C1GALT1: variants seen among roughly 807,000 people sequenced by gnomAD.
The protein encoded by C1GALT1 is core 1 synthase, glycoprotein-N-acetylgalactosamine 3-beta-galactosyltransferase 1.
In C1GALT1, 11 loss-of-function variants were observed where a neutral mutation model predicts 31.0. The ratio of observed to expected loss-of-function variants is 0.36; its 90% CI spans 0.22 to 0.59. The LOEUF is 0.59. Among genes scored for constraint, C1GALT1 ranks in the 20% least tolerant of loss-of-function variants. C1GALT1 has a pLI of 0.79. For missense variants in C1GALT1, 424 were observed against 425.2 expected (o/e 1.00, Z 0.03); for synonymous variants, 175 against 143.6 (o/e 1.22, Z -1.56).
intron 1 of C1GALT1, among the ~76,000 whole-genome samples, chr7:7,190,085 G>T (rs528149747): frequency 6.6e-6 from 1 of 152,164 alleles, no homozygotes; most frequent in Non-Finnish European, 1.5e-5. Flanking sequence ...GCTGACAAAG[G>T]TTAATTAGCT....
intron 2 of C1GALT1, 90 bp downstream of exon 2, chr7:7,234,629 G>A: frequency 1.1e-6 from 1 of 888,190 alleles, no homozygotes; most frequent in Non-Finnish European, 1.7e-6. Context: ...ATTAAAATGG[G>A]CTATATATTC....
At chr7:7,218,441 A>T (rs1450954908) in intron 1 of C1GALT1, among the ~76,000 whole-genome samples, 3 of 152,206 alleles carry the variant, frequency 2.0e-5, no homozygotes, top group African/African-American at 7.2e-5. Context: ...AGTAAAATTT[A>T]TTGGCCCAAC....
At chr7:7,197,882 T>G (rs139741499) in intron 1 of C1GALT1, among the ~76,000 whole-genome samples, 2,649 of 152,330 alleles carry the variant, frequency 0.017, 107 homozygotes, top group East Asian at 0.16. Context: ...TTTTGCACAT[T>G]GATTTTGTAT....
chr7:7,237,533 C>G (rs1195228386), intron 2 of C1GALT1, among the ~76,000 whole-genome samples: 1 of 152,112 alleles, frequency 6.6e-6, no homozygotes, highest in African/African-American at 2.4e-5. Context: ...CTTTGCAAAC[C>G]TGTAGTTTAA....
At chr7:7,226,005 G>A (rs943029672) in intron 1 of C1GALT1, among the ~76,000 whole-genome samples, 2 of 152,122 alleles carry the variant, frequency 1.3e-5, no homozygotes, top group African/African-American at 4.8e-5. Context: ...TGGCTGGCTG[G>A]TTTGGGTCCA....
At chr7:7,233,160 G>A (rs1418700860) in intron 1 of C1GALT1, among the ~76,000 whole-genome samples, 1 of 152,072 alleles carries the variant, frequency 6.6e-6, no homozygotes, top group African/African-American at 2.4e-5. Flanking sequence ...TGGTTGTGGG[G>A]CAGTTCAACA....
At chr7:7,217,770 A>C (rs1782311512) in intron 1 of C1GALT1, among the ~76,000 whole-genome samples, 1 of 152,146 alleles carries the variant, frequency 6.6e-6, no homozygotes, top group Non-Finnish European at 1.5e-5. Context: ...TCCTGAGCTC[A>C]CGTGATACTC....
chr7:7,225,070 G>T (rs980554233), intron 1 of C1GALT1, among the ~76,000 whole-genome samples: 12 of 151,706 alleles, frequency 7.9e-5, no homozygotes, highest in African/African-American at 2.9e-4. Context: ...TTTCTGTCCT[G>T]TGTTAGTTCA....
intron 1 of C1GALT1, among the ~76,000 whole-genome samples, chr7:7,230,822 A>G (rs1450029949): frequency 6.6e-6 from 1 of 151,468 alleles, no homozygotes; most frequent in Admixed American, 6.6e-5. Context: ...TAGAGCTCTT[A>G]AACTCTATGG....
chr7:7,192,761 A>T (rs539556939), intron 1 of C1GALT1, among the ~76,000 whole-genome samples: 1 of 152,174 alleles, frequency 6.6e-6, no homozygotes, highest in Non-Finnish European at 1.5e-5. Context: ...ACTAGTTTAC[A>T]TTCCCAGCAG....
chr7:7,157,618 A>T (rs1169909697), intron 2 of C1GALT1, among the ~76,000 whole-genome samples: 1 of 152,146 alleles, frequency 6.6e-6, no homozygotes, highest in Non-Finnish European at 1.5e-5. Flanking sequence ...GGCTTCTAAG[A>T]TTATATTTAT....
chr7:7,228,642 A>G (rs1011142573), intron 1 of C1GALT1, among the ~76,000 whole-genome samples: 3 of 152,202 alleles, frequency 2.0e-5, no homozygotes, highest in Non-Finnish European at 2.9e-5. Flanking sequence ...TTATTTAGTC[A>G]TAAGGCCGGA....
At chr7:7,186,397 A>G (rs984580857) in intron 1 of C1GALT1, among the ~76,000 whole-genome samples, 2 of 152,340 alleles carry the variant, frequency 1.3e-5, no homozygotes, top group East Asian at 3.9e-4. Flanking sequence ...TGGAGCTTAC[A>G]TTCTGAAACA....
chr7:7,183,317 C>T (rs921895841), intron 1 of C1GALT1, among the ~76,000 whole-genome samples: 1 of 152,088 alleles, frequency 6.6e-6, no homozygotes, highest in South Asian at 2.1e-4. Context: ...CACTCGGCTG[C>T]CGCGCCGCCT....
At chr7:7,162,944 C>G (rs958778137) in intron 2 of C1GALT1, among the ~76,000 whole-genome samples, 38 of 152,256 alleles carry the variant, frequency 2.5e-4, no homozygotes, top group African/African-American at 8.4e-4. Context: ...ATGTCCTTCG[C>G]CCACTTTTTG....
Position 7,245,895 on chromosome 7 carries a change from T to G in C1GALT1, c.*2168T>G, listed in dbSNP as rs1035177320. ...AATTTTAATCTCTCTGTGTCTCAAT[T>G]TCCTCATCTTTTAATTAGGGATGAT... is the stretch of plus-strand genomic sequence containing the variant. On this transcript the variant is annotated 3_prime_UTR_variant, in exon 4 of 4. Transcript: ENST00000436587. The G allele has an allele frequency of 6.6e-6, 1 of 152,186 alleles. No individual in the cohort carries two copies. Among genetic ancestry groups the G allele is most frequent in the Non-Finnish European group, 1.5e-5 (1 of 68,026 alleles). 9.4% of individuals were successfully genotyped at this position (152,186 alleles called of 1,614,324 possible).
In C1GALT1 at chr7:7,238,269, AT is replaced by A. The variant is rs750015544; in HGVS notation, c.237del (p.Ile79MetfsTer16). 2 of 1,600,172 alleles carry A rather than the reference AT, an allele frequency of 1.2e-6. No individual in the cohort carries two copies. The highest frequency in any genetic ancestry group is 1.7e-6 in the Non-Finnish European group (2 of 1,176,026). On this transcript the variant is annotated frameshift_variant, in exon 3 of 4. Coordinates refer to ENST00000436587, the MANE Select transcript of C1GALT1 (RefSeq NM_020156.5). LOFTEE classifies it high-confidence loss of function. This position sits in a 1 kb window ranked among gnomAD's most constrained non-coding sequence, Gnocchi z 5.2. ...SSQHKDENTD[I>X]AENLYQKVRI... Reference sequence around the variant, plus strand: ...TTGTTTAATAGATGAGAACACAGACATTGCTGAAAACCTCTATCAGAAAGTT... The same window carrying A: ...TTGTTTAATAGATGAGAACACAGACATGCTGAAAACCTCTATCAGAAAGTT...
chr7:7,215,556 CAG>C (rs1408812870), intron 1 of C1GALT1, among the ~76,000 whole-genome samples: 1 of 152,106 alleles, frequency 6.6e-6, no homozygotes, highest in Non-Finnish European at 1.5e-5. Flanking sequence ...ATAAAAGAGA[CAG>C]AAGCCATTTT....
chr7:7,168,145 G>C (rs1780417466), intron 2 of C1GALT1, among the ~76,000 whole-genome samples: 1 of 152,200 alleles, frequency 6.6e-6, no homozygotes, highest in Non-Finnish European at 1.5e-5. Context: ...AGCAGTTGTA[G>C]AGGGTGGTAA....
Sources: gnomAD v4.1 joint callset for allele counts (sites outside exome capture counted in the v4.1 genomes callset) on GRCh38, gnomAD v4.1.1 for gene constraint, Gnocchi (gnomAD v3.1) non-coding constraint, MANE v1.5 for transcripts, NCBI Gene and HGNC (gene_info 2026-07-23, HGNC 2026-07-21) for gene names.